The following MARCHF1 variants were observed in gnomAD, a reference collection of about 807,000 sequenced individuals.
The protein encoded by MARCHF1 is membrane associated ring-CH-type finger 1.
Under a neutral mutation model 54.2 loss-of-function variants are expected in MARCHF1, and 40 were observed. That is an observed-to-expected ratio of 0.74 (90% confidence interval 0.57 to 0.96). The LOEUF (loss-of-function observed/expected upper bound fraction) is 0.96, where lower values mean the gene tolerates loss of function less well. Among genes scored for constraint, MARCHF1 ranks in the 40% least tolerant of loss-of-function variants. MARCHF1 has a pLI of 0.00. For synonymous variants in MARCHF1, 236 were observed against 236.3 expected (o/e 1.00, Z 0.01); for missense variants, 586 against 656.5 (o/e 0.89, Z 1.17).
At chr4:163,623,137 T>C (rs149559418) in intron 5 of MARCHF1, among the ~76,000 whole-genome samples, 2 of 152,268 alleles carry the variant, frequency 1.3e-5, no homozygotes, top group East Asian at 1.9e-4. Context: ...CCTAGTAATA[T>C]AGACAAGATC....
chr4:163,888,124 C>G (rs145229449), intron 3 of MARCHF1, among the ~76,000 whole-genome samples: 3 of 152,214 alleles, frequency 2.0e-5, no homozygotes, highest in South Asian at 2.1e-4. Flanking sequence ...CCCCATGACA[C>G]GTGTATACCT....
rs187931392 is a variant in MARCHF1 at position 163,834,709 on chromosome 4, A to G, written c.111+19312T>C. 2.4e-3 allele frequency among the ~76,000 whole-genome samples: 363 copies of G among 150,738 alleles called. 6 individuals carry two copies. The highest frequency in any genetic ancestry group is 4.1e-3 in the Non-Finnish European group (278 of 67,702). On this transcript the variant is annotated intron_variant, in intron 4 of 9. Transcript: ENST00000514618. ...AACTATCGCAAGAACAAAAAACCAA[A>G]CACCGCATATTCTCACTCATAGGTG...
At chr4:164,299,530 A>G (rs1460819276) in intron 1 of MARCHF1, among the ~76,000 whole-genome samples, 3 of 152,162 alleles carry the variant, frequency 2.0e-5, no homozygotes, top group Non-Finnish European at 4.4e-5. Flanking sequence ...TAATTTTTGA[A>G]GGTTAAGGAA....
intron 4 of MARCHF1, among the ~76,000 whole-genome samples, chr4:163,813,921 G>T (rs2111021751): frequency 6.6e-6 from 1 of 152,206 alleles, no homozygotes; most frequent in Non-Finnish European, 1.5e-5. Flanking sequence ...TATGCCAAAG[G>T]GTGGAAGGCT....
chr4:163,595,283 A>G (rs192859319), intron 7 of MARCHF1, among the ~76,000 whole-genome samples: 8 of 151,670 alleles, frequency 5.3e-5, no homozygotes, highest in African/African-American at 1.2e-4. Flanking sequence ...AGGCCAAGGC[A>G]GAAGGACTGC....
In MARCHF1 at chr4:163,716,755, C is replaced by T. The variant is rs1579220818; in HGVS notation, c.112-15892G>A. ...TATCACCTAACAATCAAAATGCACACAGAACTGTCAAAGTTTGAGTTGGTT... is the reference window on the plus strand; with the variant it reads ...TATCACCTAACAATCAAAATGCACATAGAACTGTCAAAGTTTGAGTTGGTT... On this transcript the variant is annotated intron_variant, in intron 4 of 9. Coordinates refer to ENST00000514618, the MANE Select transcript of MARCHF1 (RefSeq NM_001394959.1). Among the ~76,000 whole-genome samples the T allele has an allele frequency of 2.0e-5, 3 of 152,120 alleles. No homozygotes were observed. The South Asian group carries it at 6.2e-4, about 31-fold the overall frequency.
At chr4:163,836,008 G>C (rs537270078) in intron 4 of MARCHF1, among the ~76,000 whole-genome samples, 2 of 152,074 alleles carry the variant, frequency 1.3e-5, no homozygotes, top group East Asian at 1.9e-4. Context: ...AAATGAACCG[G>C]ACTCAGCTTG....
intron 1 of MARCHF1, among the ~76,000 whole-genome samples, chr4:164,247,769 C>A (rs4561891): frequency 0.82 from 121,762 of 148,710 alleles, 50,258 homozygotes; most frequent in South Asian, 0.89. Flanking sequence ...GAGATCTTAT[C>A]CAACTGTCTT....
chr4:163,563,772 GC>G (rs2110985457), intron 8 of MARCHF1, among the ~76,000 whole-genome samples: 1 of 152,272 alleles, frequency 6.6e-6, no homozygotes, highest in East Asian at 1.9e-4. Flanking sequence ...ACAATGCTTG[GC>G]ACTATTAAGC....
At chr4:163,790,808 GTGGCA>G (rs1747755193) in intron 4 of MARCHF1, among the ~76,000 whole-genome samples, 1 of 152,070 alleles carries the variant, frequency 6.6e-6, no homozygotes, top group Admixed American at 6.6e-5. Context: ...ATGCCCAGCA[GTGGCA>G]TGAGGGATAA....
At chr4:164,059,772 C>T (rs71614794) in intron 2 of MARCHF1, among the ~76,000 whole-genome samples, 6,898 of 152,088 alleles carry the variant, frequency 0.045, 214 homozygotes, top group Middle Eastern at 0.14. Flanking sequence ...CACAATTTTT[C>T]ATCTGATGAT....
intron 5 of MARCHF1, among the ~76,000 whole-genome samples, chr4:163,629,359 G>A (rs113352004): frequency 0.081 from 12,348 of 152,186 alleles, 812 homozygotes; most frequent in East Asian, 0.28. Context: ...GCTATATGCC[G>A]AAAGCTGAAA....
At chr4:164,307,653 G>T (rs72690041) in intron 1 of MARCHF1, among the ~76,000 whole-genome samples, 3,026 of 152,296 alleles carry the variant, frequency 0.02, 41 homozygotes, top group East Asian at 0.045. Flanking sequence ...CAACAAAAAT[G>T]CTCCTCTTGT....
At chr4:163,808,632 G>T (rs1435313710) in intron 4 of MARCHF1, among the ~76,000 whole-genome samples, 1 of 152,076 alleles carries the variant, frequency 6.6e-6, no homozygotes, top group African/African-American at 2.4e-5. Context: ...GCAGTGGCGT[G>T]ATCTCGGCTC....
At chr4:164,228,163 A>C in intron 1 of MARCHF1, among the ~76,000 whole-genome samples, 1 of 152,228 alleles carries the variant, frequency 6.6e-6, no homozygotes, top group East Asian at 1.9e-4. Flanking sequence ...CCTGGGGGGA[A>C]GCACCCCCTC....
At chr4:164,042,306 GT>G (rs1754146042) in intron 2 of MARCHF1, among the ~76,000 whole-genome samples, 1 of 152,120 alleles carries the variant, frequency 6.6e-6, no homozygotes. Flanking sequence ...GAAAAAAGAG[GT>G]TTAACTGACT....
At chr4:163,549,500 T>C (rs1471190654) in intron 8 of MARCHF1, among the ~76,000 whole-genome samples, 1 of 152,174 alleles carries the variant, frequency 6.6e-6, no homozygotes, top group Non-Finnish European at 1.5e-5. Flanking sequence ...GCCGACCCTC[T>C]GATCTGCCCT....
intron 4 of MARCHF1, among the ~76,000 whole-genome samples, chr4:163,825,476 G>A (rs983545058): frequency 6.6e-6 from 1 of 151,928 alleles, no homozygotes; most frequent in Admixed American, 6.6e-5. Context: ...AGATTGTTGG[G>A]TCAAATGGTA....
chr4:163,889,919 C>CT lies in MARCHF1; in HGVS notation c.-38-35751dup, dbSNP rs146357456. On this transcript the variant is annotated intron_variant, in intron 3 of 9. Transcript: ENST00000514618. ...ATGTTAAACTTCGTTTATTTATTTTCTTTTTTCTTTTTTTTTTTTTTTTGA... is the reference window on the plus strand; with the variant it reads ...ATGTTAAACTTCGTTTATTTATTTTCTTTTTTTCTTTTTTTTTTTTTTTTGA... Among the ~76,000 whole-genome samples, 368 of 117,210 alleles carry CT rather than the reference C, an allele frequency of 3.1e-3. 7 individuals are homozygous for CT. Among genetic ancestry groups the CT allele is most frequent in the East Asian group, 0.014 (36 of 2,640 alleles). The allele number at this position is 117,210 out of a possible 152,430, so 76.9% of individuals were successfully genotyped here. A position where few individuals can be genotyped will look rare whatever the true frequency, so the allele number is the denominator to read the frequency against.
Sources: allele counts gnomAD v4.1 joint callset (sites outside exome capture counted in the v4.1 genomes callset), GRCh38; gene constraint gnomAD v4.1.1; transcripts MANE v1.5; gene names NCBI Gene and HGNC (gene_info 2026-07-23, HGNC 2026-07-21).